PIK3C2G: variants seen among roughly 807,000 people sequenced by gnomAD.
The protein encoded by PIK3C2G is phosphatidylinositol 3-kinase C2 domain-containing subunit gamma.
In PIK3C2G, 168 loss-of-function variants were observed where a neutral mutation model predicts 181.1. That is an observed-to-expected ratio of 0.93 (90% CI 0.82 to 1.05). The LOEUF (loss-of-function observed/expected upper bound fraction) is 1.05. PIK3C2G is among the 50% of genes least tolerant of loss of function. The pLI, the probability that PIK3C2G is intolerant of heterozygous loss-of-function variation, is 0.00. For synonymous variants in PIK3C2G, 573 were observed against 592.2 expected, an observed-to-expected ratio of 0.97 and a Z score of 0.47; for missense variants, 1,869 against 1,732.8, an observed-to-expected ratio of 1.08 and a Z score of -1.40.
At chr12:18,458,675 C>T (rs1947755495) in intron 18 of PIK3C2G, among the ~76,000 whole-genome samples, 1 of 151,886 alleles carries the variant, frequency 6.6e-6, no homozygotes, top group African/African-American at 2.4e-5. Flanking sequence ...AGCCCTTGAG[C>T]CCTTATAAGC....
intron 16 of PIK3C2G, among the ~76,000 whole-genome samples, chr12:18,406,349 A>G (rs1944527905): frequency 6.6e-6 from 1 of 152,164 alleles, no homozygotes; most frequent in Non-Finnish European, 1.5e-5. Context: ...ATGGGGGTAC[A>G]GATATCTCTT....
At chr12:18,721,765 T>A in the PIK3C2G span, among the ~76,000 whole-genome samples, 25 of 151,482 alleles carry the variant, frequency 1.7e-4, no homozygotes, top group African/African-American at 6.1e-4. Context: ...CTTAGTGATA[T>A]AGTCGCTTAG....
rs116256393 is a variant in PIK3C2G at position 18,467,283 on chromosome 12, A to C, written c.2505-21166A>C. Among the ~76,000 whole-genome samples, 1,071 of 152,120 alleles carry C rather than the reference A, an allele frequency of 7.0e-3. 6 individuals are homozygous for C. The highest frequency in any genetic ancestry group is 0.019 in the African/African-American group (787 of 41,552). On this transcript the variant is annotated intron_variant, in intron 18 of 32. Coordinates refer to ENST00000538779, the MANE Select transcript of PIK3C2G (RefSeq NM_001288772.2). Reference sequence around the variant, plus strand: ...TTGATTCTACTCCTCCTACTCTTAGAATCATTCCAGGTATAGGTGTATTAT... The same window carrying C: ...TTGATTCTACTCCTCCTACTCTTAGCATCATTCCAGGTATAGGTGTATTAT...
chr12:18,650,347 ATG>A (rs71064013), downstream of PIK3C2G, among the ~76,000 whole-genome samples: 4,531 of 114,364 alleles, frequency 0.04, 112 homozygotes, highest in East Asian at 0.098. Context: ...ATATATATAT[ATG>A]TGTGTGTGTG....
At chr12:18,334,226 C>A (rs573154833) in intron 8 of PIK3C2G, among the ~76,000 whole-genome samples, 1 of 152,094 alleles carries the variant, frequency 6.6e-6, no homozygotes, top group Non-Finnish European at 1.5e-5. Flanking sequence ...TGATCATATA[C>A]CTGAATCTGG....
chr12:18,266,099 T>C (rs1254107221), intron 1 of PIK3C2G, among the ~76,000 whole-genome samples: 1 of 151,334 alleles, frequency 6.6e-6, no homozygotes, highest in Non-Finnish European at 1.5e-5. Flanking sequence ...TAACTGCTTA[T>C]ATTTATCATC....
At chr12:18,322,046 T>C (rs1221580110) in intron 7 of PIK3C2G, among the ~76,000 whole-genome samples, 1 of 152,136 alleles carries the variant, frequency 6.6e-6, no homozygotes. Flanking sequence ...CGTTTACCTA[T>C]GTAACAAACC....
upstream of PIK3C2G, among the ~76,000 whole-genome samples, chr12:18,246,773 G>A (rs1277885500): frequency 6.6e-6 from 1 of 152,160 alleles, no homozygotes; most frequent in Admixed American, 6.5e-5. Flanking sequence ...CAGTCATTCA[G>A]ACTGGAATTG....
the PIK3C2G span, among the ~76,000 whole-genome samples, chr12:18,657,027 C>G: frequency 6.6e-6 from 1 of 151,922 alleles, no homozygotes; most frequent in Non-Finnish European, 1.5e-5. Context: ...TCATTCTGAC[C>G]ACAAAGAATT....
chr12:18,684,778 C>A, the PIK3C2G span, among the ~76,000 whole-genome samples: 2 of 151,944 alleles, frequency 1.3e-5, no homozygotes, highest in Non-Finnish European at 2.9e-5. Flanking sequence ...GTGCCCCCAC[C>A]CAAATCTCAT....
chr12:18,278,749 A>G (rs4128867), intron 1 of PIK3C2G, among the ~76,000 whole-genome samples: 56,120 of 151,920 alleles, frequency 0.37, 10,520 homozygotes, highest in Non-Finnish European at 0.41. Context: ...CAAAATGCAA[A>G]CATTTATTGG....
chr12:18,503,554 T>A, intron 23 of PIK3C2G, 137 bp downstream of exon 23: 1 of 547,670 alleles, frequency 1.8e-6, no homozygotes, highest in South Asian at 3.6e-5. Context: ...AATTAATTAA[T>A]CAGCCCAGTT....
chr12:18,562,901 A>G lies in PIK3C2G; in HGVS notation c.3780+9A>G. The stretch of plus-strand genomic sequence containing the variant: ...GCAAGAAATCCAGTAATGTAAGTTT[A>G]AAGTCCGTCATCTTGACTTACGTAT... On this transcript the variant is annotated intron_variant, in intron 27 of 32. Coordinates refer to ENST00000538779, the MANE Select transcript of PIK3C2G (RefSeq NM_001288772.2). The G allele has an allele frequency of 6.4e-7, 1 of 1,570,612 alleles. No homozygotes were observed.
intron 13 of PIK3C2G, among the ~76,000 whole-genome samples, chr12:18,372,947 T>C (rs1275733378): frequency 6.6e-6 from 1 of 152,054 alleles, no homozygotes; most frequent in South Asian, 2.1e-4. Flanking sequence ...GCGTCAAAAT[T>C]GTAGACAATG....
At chr12:18,607,692 G>A (rs1476424109) in intron 30 of PIK3C2G, among the ~76,000 whole-genome samples, 2 of 152,088 alleles carry the variant, frequency 1.3e-5, no homozygotes. Context: ...AGCCAAAATT[G>A]GCAAATGGGA....
intron 30 of PIK3C2G, among the ~76,000 whole-genome samples, chr12:18,608,305 C>G (rs1050105952): frequency 6.6e-6 from 1 of 151,988 alleles, no homozygotes; most frequent in African/African-American, 2.4e-5. Flanking sequence ...TTAGAACCAA[C>G]CCAAATGTCC....
At chr12:18,364,006 C>A (rs1056389156) in intron 12 of PIK3C2G, among the ~76,000 whole-genome samples, 2 of 152,150 alleles carry the variant, frequency 1.3e-5, no homozygotes, top group Non-Finnish European at 2.9e-5. Context: ...ATCAACTCTG[C>A]TTGTAAAATT....
the PIK3C2G span, chr12:18,683,447 T>TG: frequency 1.4e-6 from 2 of 1,433,880 alleles, no homozygotes; most frequent in South Asian, 2.4e-5. Context: ...TATAGAGTTA[T>TG]ATTCCCATCT....
At chr12:18,348,396 C>T (rs1939888734) in intron 11 of PIK3C2G, among the ~76,000 whole-genome samples, 1 of 151,742 alleles carries the variant, frequency 6.6e-6, no homozygotes, top group Admixed American at 6.6e-5. Context: ...CTACATAGTA[C>T]CTACATGCAG....
Sources: allele counts gnomAD v4.1 joint callset (sites outside exome capture counted in the v4.1 genomes callset), GRCh38; gene constraint gnomAD v4.1.1; transcripts MANE v1.5; gene names NCBI Gene and HGNC (gene_info 2026-07-23, HGNC 2026-07-21).